Variants in POLR2D observed in about 807,000 individuals in gnomAD.
The protein encoded by POLR2D is DNA-directed RNA polymerase II subunit RPB4.
POLR2D carries 10 observed loss-of-function variants against 17.6 expected under a neutral mutation model. The ratio of observed to expected loss-of-function variants is 0.57; its 90% CI spans 0.35 to 0.96. The LOEUF is 0.96. POLR2D is among the 40% of genes least tolerant of loss of function. The probability of loss-of-function intolerance (pLI) is 0.02; values close to 1 mark genes in which losing one functional copy is unlikely to be tolerated. For missense variants in POLR2D, 126 were observed against 176.4 expected (o/e 0.71, Z 1.62); for synonymous variants, 52 against 60.2 (o/e 0.86, Z 0.63).
chr2:127,856,984 C>T (rs975934110), intron 1 of POLR2D: 1 of 152,038 alleles, frequency 6.6e-6, no homozygotes, highest in African/African-American at 2.4e-5. Flanking sequence ...TGCAGTGAGC[C>T]GAGTTCGTAC....
chr2:127,849,820 C>A (rs1318356671), intron 3 of POLR2D, among the ~76,000 whole-genome samples: 2 of 151,642 alleles, frequency 1.3e-5, no homozygotes, highest in African/African-American at 4.8e-5. Flanking sequence ...CTGAGGCAGG[C>A]AGATCACTTG....
intron 1 of POLR2D, among the ~76,000 whole-genome samples, chr2:127,856,290 C>CA (rs61249327): frequency 0.049 from 1,254 of 25,392 alleles, 219 homozygotes; most frequent in African/African-American, 0.15. Flanking sequence ...GATCCCGTCT[C>CA]AAAAAAAAAA....
Position 127,858,009 on chromosome 2 carries a change from T to C in POLR2D, c.73+19A>G. 1 of 1,576,922 alleles carries C rather than the reference T, an allele frequency of 6.3e-7. No homozygotes were observed. The highest frequency in any genetic ancestry group is 1.1e-5 in the South Asian group (1 of 87,558). On this transcript the variant is annotated intron_variant, in intron 1 of 3. Coordinates refer to ENST00000272645, the MANE Select transcript of POLR2D (RefSeq NM_004805.4). ...CCACGCGAAGTGGCGCGGGGGAGTC[T>C]GGCAGCCCCGAGCCCAACCTTTAGG...
intron 1 of POLR2D, 119 bp from the exon 2 acceptor site, chr2:127,853,224 C>T (rs928620683): frequency 3.2e-5 from 25 of 774,062 alleles, no homozygotes; most frequent in Non-Finnish European, 4.8e-5. Flanking sequence ...TTTCCTACTC[C>T]ACATCTGCTT....
rs181677825 is a variant in POLR2D at position 127,847,583 on chromosome 2, T to C, written c.*524A>G. 3.8e-4 allele frequency: 61 copies of C among 161,300 alleles called. 2 individuals carry two copies. Among genetic ancestry groups the C allele is most frequent in the Admixed American group, 3.4e-3 (58 of 16,962 alleles). 10.0% of individuals were successfully genotyped at this position (161,300 alleles called of 1,614,324 possible). A position where few individuals can be genotyped will look rare whatever the true frequency, so the allele number is the denominator to read the frequency against. Reference sequence around the variant, plus strand: ...TCAAGACTTCAGTGAGCCATGACTGTACGACTGCACTCCTCCAGCCTGGAC... The same window carrying C: ...TCAAGACTTCAGTGAGCCATGACTGCACGACTGCACTCCTCCAGCCTGGAC... On this transcript the variant is annotated 3_prime_UTR_variant, in exon 4 of 4. Coordinates refer to ENST00000272645, the MANE Select transcript of POLR2D (RefSeq NM_004805.4).
At chr2:127,857,778 C>T in intron 1 of POLR2D, 1 of 1,287,578 alleles carries the variant, frequency 7.8e-7, no homozygotes, top group South Asian at 2.2e-5. Context: ...CCTGAGTGTC[C>T]GGCTTTGTTT....
At position 127,858,019 on chromosome 2, in the gene POLR2D, G is replaced by C; in HGVS notation, c.73+9C>G. 6.3e-7 allele frequency: 1 copy of C among 1,577,860 alleles called. No individual in the cohort carries two copies. The highest frequency in any genetic ancestry group is 8.6e-7 in the Non-Finnish European group (1 of 1,164,738). On this transcript the variant is annotated intron_variant, in intron 1 of 3. Coordinates refer to ENST00000272645, the MANE Select transcript of POLR2D (RefSeq NM_004805.4). ...TGGCGCGGGGGAGTCTGGCAGCCCC[G>C]AGCCCAACCTTTAGGAAAGATGAGC...
At chr2:127,848,500 TC>T (rs1244723777) in intron 3 of POLR2D, among the ~76,000 whole-genome samples, 1 of 151,524 alleles carries the variant, frequency 6.6e-6, no homozygotes, top group Non-Finnish European at 1.5e-5. Context: ...AACCTCCACC[TC>T]CAGGGTTCAA....
intron 3 of POLR2D, 108 bp downstream of exon 3, chr2:127,850,482 T>C: frequency 4.4e-6 from 2 of 457,428 alleles, no homozygotes; most frequent in East Asian, 3.6e-5. Flanking sequence ...TCATTCAATA[T>C]TGGCAATTAT....
intron 1 of POLR2D, chr2:127,857,213 G>A (rs1216587442): frequency 6.6e-6 from 1 of 152,174 alleles, no homozygotes; most frequent in Non-Finnish European, 1.5e-5. Context: ...CTACTTGGGA[G>A]GCTGAGGTGG....
At chr2:127,853,185 A>AG in intron 1 of POLR2D, 80 bp from the exon 2 acceptor site, 1 of 1,121,816 alleles carries the variant, frequency 8.9e-7, no homozygotes, top group South Asian at 1.4e-5. Context: ...GCATTTGAAC[A>AG]TTTCTCTGCC....
At chr2:127,853,695 C>A (rs1690285457) in intron 1 of POLR2D, among the ~76,000 whole-genome samples, 4 of 152,144 alleles carry the variant, frequency 2.6e-5, no homozygotes, top group East Asian at 1.9e-4. Flanking sequence ...GGTAGCTGGA[C>A]TGCAGGCACA....
At chr2:127,854,995 T>C (rs1690305362) in intron 1 of POLR2D, among the ~76,000 whole-genome samples, 1 of 90,572 alleles carries the variant, frequency 1.1e-5, no homozygotes. Flanking sequence ...ACAAATGACA[T>C]CAGGCCAAAA....
chr2:127,858,121 C>T lies in POLR2D; in HGVS notation c.-21G>A. 3 of 1,462,158 alleles carry T rather than the reference C, an allele frequency of 2.1e-6. No homozygotes were observed. The highest frequency in any genetic ancestry group is 1.8e-6 in the Non-Finnish European group (2 of 1,105,994). 90.6% of individuals were successfully genotyped at this position (1,462,158 alleles called of 1,614,324 possible). A position where few individuals can be genotyped will look rare whatever the true frequency, so the allele number is the denominator to read the frequency against. The stretch of plus-strand genomic sequence containing the variant: ...GCCATCGCCGCGCCGCGCCGCGCGC[C>T]ACCACCAGCGCCGCCGGAAGCAGAA... On this transcript the variant is annotated 5_prime_UTR_variant, in exon 1 of 4. Transcript: ENST00000272645.
chr2:127,852,360 A>C lies in POLR2D; in HGVS notation c.254+565T>G, dbSNP rs1690265942. ...CAGGCTCACATGATCCTCCCACTTC[A>C]GCCTCCCAAGTAACTAGGACCACAG... On this transcript the variant is annotated intron_variant, in intron 2 of 3. Coordinates refer to ENST00000272645, the MANE Select transcript of POLR2D (RefSeq NM_004805.4). This position sits in a 1 kb window ranked among gnomAD's most constrained non-coding sequence, Gnocchi z 4.0. Among the ~76,000 whole-genome samples the C allele has an allele frequency of 6.6e-6, 1 of 152,124 alleles. No homozygotes were observed. Among genetic ancestry groups the C allele is most frequent in the Admixed American group, 6.6e-5 (1 of 15,252 alleles).
intron 1 of POLR2D, among the ~76,000 whole-genome samples, chr2:127,854,397 T>C (rs886796890): frequency 1.3e-5 from 2 of 152,186 alleles, no homozygotes; most frequent in African/African-American, 2.4e-5. Context: ...TTCATAAACA[T>C]GAATTCATGT....
intron 1 of POLR2D, among the ~76,000 whole-genome samples, chr2:127,855,220 C>A (rs1381633276): frequency 6.6e-6 from 1 of 151,782 alleles, no homozygotes; most frequent in Non-Finnish European, 1.5e-5. Context: ...TGGTGAAACC[C>A]CATCTCTACT....
intron 3 of POLR2D, among the ~76,000 whole-genome samples, chr2:127,848,715 A>G (rs566513304): frequency 5.9e-5 from 9 of 151,868 alleles, no homozygotes; most frequent in African/African-American, 2.2e-4. Flanking sequence ...ACAGGGTTTC[A>G]CTGTGTTATC....
intron 3 of POLR2D, among the ~76,000 whole-genome samples, chr2:127,850,268 C>T (rs1185610506): frequency 6.6e-6 from 1 of 151,736 alleles, no homozygotes; most frequent in Non-Finnish European, 1.5e-5. Context: ...TGGAGATACC[C>T]CATCTCTACT....
Sources: allele counts gnomAD v4.1 joint callset (sites outside exome capture counted in the v4.1 genomes callset), GRCh38; gene constraint gnomAD v4.1.1; non-coding constraint Gnocchi (gnomAD v3.1); transcripts MANE v1.5; gene names NCBI Gene and HGNC (gene_info 2026-07-23, HGNC 2026-07-21).